Variants in B3GAT2 observed in about 807,000 individuals in gnomAD.
The protein encoded by B3GAT2 is galactosylgalactosylxylosylprotein 3-beta-glucuronosyltransferase 2.
In B3GAT2, 26 loss-of-function variants were observed where a neutral mutation model predicts 27.8. The observed-to-expected ratio is 0.93, with a 90% confidence interval of 0.68 to 1.30. The LOEUF is 1.30. B3GAT2 is among the 50% of genes most tolerant of loss of function. The pLI, the probability that B3GAT2 is intolerant of heterozygous loss-of-function variation, is 0.00. For missense variants in B3GAT2, 458 were observed against 459.0 expected (o/e 1.00, Z 0.02); for synonymous variants, 218 against 195.1 (o/e 1.12, Z -0.98).
intron 2 of B3GAT2, among the ~76,000 whole-genome samples, chr6:70,876,679 A>C (rs539424775): frequency 6.6e-6 from 1 of 152,146 alleles, no homozygotes; most frequent in Admixed American, 6.5e-5. Flanking sequence ...GTTATCTTTC[A>C]TTTTTCATCT....
intron 1 of B3GAT2, among the ~76,000 whole-genome samples, chr6:70,943,378 CAGA>C (rs1042844081): frequency 1.1e-4 from 17 of 152,314 alleles, no homozygotes; most frequent in African/African-American, 3.8e-4. Flanking sequence ...TCTCTGTTCC[CAGA>C]AGGAGCCATC....
At chr6:70,913,032 T>C (rs568279707) in intron 1 of B3GAT2, among the ~76,000 whole-genome samples, 1 of 152,170 alleles carries the variant, frequency 6.6e-6, no homozygotes, top group Non-Finnish European at 1.5e-5. Flanking sequence ...TTGTCATTTC[T>C]GATTAAGTTT....
intron 1 of B3GAT2, among the ~76,000 whole-genome samples, chr6:70,950,647 C>G (rs1765565558): frequency 6.6e-6 from 1 of 152,154 alleles, no homozygotes; most frequent in African/African-American, 2.4e-5. Context: ...TTATATAGAT[C>G]AGAGGTAAAC....
intron 1 of B3GAT2, among the ~76,000 whole-genome samples, chr6:70,952,682 T>C (rs1274985040): frequency 6.6e-6 from 1 of 152,306 alleles, no homozygotes; most frequent in East Asian, 1.9e-4. Context: ...TTGAGATTTT[T>C]GAAACCTGAA....
intron 2 of B3GAT2, among the ~76,000 whole-genome samples, chr6:70,887,295 A>G (rs954829770): frequency 1.3e-5 from 2 of 152,124 alleles, no homozygotes; most frequent in African/African-American, 4.8e-5. Flanking sequence ...CCCAGGCAAA[A>G]TTCCTTGTTG....
chr6:70,857,524 G>A lies in B3GAT2; in HGVS notation c.*4139C>T, dbSNP rs1264373382. ...TGCATTTCACATGTGAGCTAAAATT[G>A]TTGGGCAGCCCACTACACCTATTGA... is the stretch of plus-strand genomic sequence containing the variant. On this transcript the variant is annotated 3_prime_UTR_variant, in exon 4 of 4. Coordinates refer to ENST00000230053, the MANE Select transcript of B3GAT2 (RefSeq NM_080742.3). 1 of 177,024 alleles carries A rather than the reference G, an allele frequency of 5.6e-6. No individual in the cohort carries two copies. The highest frequency in any genetic ancestry group is 2.4e-5 in the African/African-American group (1 of 42,056). The allele number at this position is 177,024 out of a possible 1,614,324, so 11.0% of individuals were successfully genotyped here.
At position 70,887,900 on chromosome 6, in the gene B3GAT2, G is replaced by C. The variant is rs539752313; in HGVS notation, c.736+6228C>G. Among the ~76,000 whole-genome samples the C allele has an allele frequency of 3.9e-5, 6 of 152,266 alleles. No homozygotes were observed. In the East Asian group the frequency reaches 1.2e-3, roughly 29 times the overall value. On this transcript the variant is annotated intron_variant, in intron 2 of 3. Coordinates refer to ENST00000230053, the MANE Select transcript of B3GAT2 (RefSeq NM_080742.3). ...GAAGTGATCTCTGCCCGCAAAGATT[G>C]AGTAGAGGGGAACAAGAATAGTAAG...
At chr6:70,902,208 G>C (rs1772510778) in intron 1 of B3GAT2, among the ~76,000 whole-genome samples, 1 of 152,128 alleles carries the variant, frequency 6.6e-6, no homozygotes, top group Non-Finnish European at 1.5e-5. Context: ...GAAGAGACTA[G>C]AGAATTTAGA....
chr6:70,924,712 C>T (rs1772925175), intron 1 of B3GAT2, among the ~76,000 whole-genome samples: 1 of 152,128 alleles, frequency 6.6e-6, no homozygotes, highest in Admixed American at 6.5e-5. Flanking sequence ...TTAGTCATTC[C>T]TGGGATTGGG....
chr6:70,860,170 C>T lies in B3GAT2; in HGVS notation c.*1493G>A. 2 of 1,576,534 alleles carry T rather than the reference C, an allele frequency of 1.3e-6. No individual in the cohort carries two copies. The highest frequency in any genetic ancestry group is 8.6e-7 in the Non-Finnish European group (1 of 1,162,152). On this transcript the variant is annotated 3_prime_UTR_variant, in exon 4 of 4. Transcript: ENST00000230053. ...CAAGAATTAAAAGTGAAGTAAGCCT[C>T]TTGAACTAAGCCTTTTATATGTTTC...
intron 2 of B3GAT2, among the ~76,000 whole-genome samples, chr6:70,886,382 C>T (rs1482472610): frequency 6.6e-6 from 1 of 152,194 alleles, no homozygotes; most frequent in Non-Finnish European, 1.5e-5. Flanking sequence ...TTGGTAAATG[C>T]TAAGCAAACA....
intron 1 of B3GAT2, among the ~76,000 whole-genome samples, chr6:70,897,735 G>C (rs1181426059): frequency 6.7e-6 from 1 of 149,508 alleles, no homozygotes; most frequent in Non-Finnish European, 1.5e-5. Flanking sequence ...CTTTCTACAA[G>C]TATTATAGTT....
rs965833167 is a variant in B3GAT2, at chr6:70,956,227, T to A, written c.203A>T (p.Gln68Leu). ...CTCCGGCTGTGGCTGCGGCCGAGAC[T>A]GGTTGCGCTTTTGGGTCCCGTGAGC... ...GPAHGTQKRN[Q>L]SRPQPQPEPQ... Residue 68 changes from glutamine to leucine, a missense_variant, in exon 1 of 4, where the codon CAG becomes CTG. Physicochemically the swap from Gln to Leu is moderately radical, Grantham distance 113. Transcript: ENST00000230053. The A allele has an allele frequency of 4.3e-6, 7 of 1,612,492 alleles. No individual in the cohort carries two copies. Among genetic ancestry groups the A allele is most frequent in the Non-Finnish European group, 5.9e-6 (7 of 1,179,230 alleles).
intron 1 of B3GAT2, among the ~76,000 whole-genome samples, chr6:70,930,666 C>A (rs1023139602): frequency 1.3e-5 from 2 of 152,120 alleles, no homozygotes; most frequent in Non-Finnish European, 2.9e-5. Flanking sequence ...GAATGGCGAT[C>A]ATTAAAAAGT....
At chr6:70,879,684 T>G (rs1324641110) in intron 2 of B3GAT2, among the ~76,000 whole-genome samples, 1 of 151,892 alleles carries the variant, frequency 6.6e-6, no homozygotes, top group Non-Finnish European at 1.5e-5. Context: ...GAAGGAAGGG[T>G]GCGGGTGCTA....
chr6:70,883,544 T>C (rs751931276), intron 2 of B3GAT2, among the ~76,000 whole-genome samples: 2 of 151,470 alleles, frequency 1.3e-5, no homozygotes, highest in Non-Finnish European at 2.9e-5. Flanking sequence ...GAAAGTAGAA[T>C]TGTGGTAACC....
At chr6:70,915,383 T>C (rs1309925969) in intron 1 of B3GAT2, among the ~76,000 whole-genome samples, 2 of 152,236 alleles carry the variant, frequency 1.3e-5, no homozygotes, top group Non-Finnish European at 2.9e-5. Flanking sequence ...GTAGTTTATT[T>C]TGCTGTGCAG....
Position 70,857,766 on chromosome 6 carries a change from T to G in B3GAT2, c.*3897A>C. The stretch of plus-strand genomic sequence containing the variant: ...TCCTAGAAACAACCAGCTCTCAGGG[T>G]TTAGGTGTGGGTTGGTCTGAGTAGT... On this transcript the variant is annotated 3_prime_UTR_variant, in exon 4 of 4. Transcript: ENST00000230053. 6.1e-6 allele frequency: 4 copies of G among 656,772 alleles called. No individual in the cohort carries two copies. Among genetic ancestry groups the G allele is most frequent in the Non-Finnish European group, 1.0e-5 (4 of 388,812 alleles). 40.7% of individuals were successfully genotyped at this position (656,772 alleles called of 1,614,324 possible).
At chr6:70,902,044 C>A (rs1402887601) in intron 1 of B3GAT2, among the ~76,000 whole-genome samples, 1 of 152,124 alleles carries the variant, frequency 6.6e-6, no homozygotes, top group Non-Finnish European at 1.5e-5. Context: ...ACAAGAACAG[C>A]TTCACTTAAT....
Sources: gnomAD v4.1 joint callset for allele counts (sites outside exome capture counted in the v4.1 genomes callset) on GRCh38, gnomAD v4.1.1 for gene constraint, MANE v1.5 for transcripts, NCBI Gene and HGNC (gene_info 2026-07-23, HGNC 2026-07-21) for gene names.